The following CCDC191 variants were observed in gnomAD, a reference collection of about 807,000 sequenced individuals.
CCDC191 encodes coiled-coil domain containing 191.
A neutral mutation model predicts 114.0 loss-of-function variants in CCDC191; 99 were observed. The ratio of observed to expected loss-of-function variants is 0.87; its 90% CI spans 0.74 to 1.03. CCDC191 has a LOEUF of 1.03. CCDC191 is among the 50% of genes least tolerant of loss of function. CCDC191 has a pLI of 0.00. For synonymous variants in CCDC191, 351 were observed against 376.0 expected (o/e 0.93, Z 0.77); for missense variants, 973 against 1,087.0 (o/e 0.90, Z 1.47).
At chr3:114,014,299 C>T (rs929599608) in intron 8 of CCDC191, among the ~76,000 whole-genome samples, 1 of 152,248 alleles carries the variant, frequency 6.6e-6, no homozygotes, top group East Asian at 1.9e-4. Flanking sequence ...AGTTTTAAAG[C>T]GAGCCAGGCT....
chr3:113,974,851 T>C (rs1485835175), intron 16 of CCDC191, among the ~76,000 whole-genome samples: 1 of 152,184 alleles, frequency 6.6e-6, no homozygotes, highest in African/African-American at 2.4e-5. Context: ...AGTAAACCTT[T>C]CTCTTGCTCT....
At chr3:114,012,541 C>T (rs771629835) in intron 8 of CCDC191, among the ~76,000 whole-genome samples, 3 of 151,970 alleles carry the variant, frequency 2.0e-5, no homozygotes, top group African/African-American at 7.3e-5. Flanking sequence ...GAAGAAATAA[C>T]AATAAATCAG....
chr3:113,998,977 G>A (rs945491092), intron 13 of CCDC191, among the ~76,000 whole-genome samples: 1 of 152,178 alleles, frequency 6.6e-6, no homozygotes, highest in Non-Finnish European at 1.5e-5. Context: ...CCAGAACCAG[G>A]TGGATTGATC....
intron 11 of CCDC191, chr3:114,004,206 T>A: frequency 1.5e-5 from 15 of 971,042 alleles, no homozygotes; most frequent in Non-Finnish European, 1.5e-5. Flanking sequence ...GTTATAATAT[T>A]ATAAAATAAT....
intron 13 of CCDC191, among the ~76,000 whole-genome samples, chr3:113,988,616 G>C (rs1415639396): frequency 2.8e-5 from 3 of 106,120 alleles, no homozygotes; most frequent in African/African-American, 3.8e-5. Flanking sequence ...ACAAGAGTGA[G>C]ACTCCATCTC....
chr3:113,970,438 C>T (rs1319537797), intron 16 of CCDC191, among the ~76,000 whole-genome samples: 1 of 152,052 alleles, frequency 6.6e-6, no homozygotes, highest in Middle Eastern at 3.2e-3. Flanking sequence ...GGGATTACAG[C>T]CATGAGCCAT....
At chr3:114,046,965 AT>A in intron 2 of CCDC191, 1 of 958,302 alleles carries the variant, frequency 1.0e-6, no homozygotes, top group Non-Finnish European at 1.2e-6. Flanking sequence ...GATGTTCACA[AT>A]TTTGATATTT....
intron 2 of CCDC191, 131 bp from the exon 3 acceptor site, chr3:114,046,863 A>G: frequency 7.2e-7 from 1 of 1,388,754 alleles, no homozygotes; most frequent in Non-Finnish European, 9.3e-7. Flanking sequence ...TTTTTGGAGA[A>G]ACTCTTGAGG....
Position 113,964,967 on chromosome 3 carries a change from A to G in CCDC191, c.*188T>C. ...GGATGATCCCACTGTGATAAATGCT[A>G]TAGTGAATGACTAGCAATCCAGGAA... On this transcript the variant is annotated 3_prime_UTR_variant, in exon 17 of 17. Coordinates refer to ENST00000295878, the MANE Select transcript of CCDC191 (RefSeq NM_020817.2). The G allele has an allele frequency of 2.4e-6, 1 of 422,794 alleles. No individual in the cohort carries two copies. The highest frequency in any genetic ancestry group is 3.6e-5 in the East Asian group (1 of 28,010). The allele number at this position is 422,794 out of a possible 1,614,324, so 26.2% of individuals were successfully genotyped here. A position where few individuals can be genotyped will look rare whatever the true frequency, so the allele number is the denominator to read the frequency against.
At chr3:114,041,934 C>A (rs2076567371) in intron 4 of CCDC191, among the ~76,000 whole-genome samples, 1 of 151,632 alleles carries the variant, frequency 6.6e-6, no homozygotes, top group South Asian at 2.1e-4. Context: ...TAATAACCTC[C>A]CTTATAAGTA....
chr3:114,041,147 G>A, intron 4 of CCDC191, among the ~76,000 whole-genome samples: 1 of 151,936 alleles, frequency 6.6e-6, no homozygotes, highest in East Asian at 1.9e-4. Flanking sequence ...AGAAGTAATA[G>A]TTTCATTAGA....
At chr3:113,974,736 ATTGT>A (rs1348083280) in intron 16 of CCDC191, among the ~76,000 whole-genome samples, 2 of 151,666 alleles carry the variant, frequency 1.3e-5, no homozygotes, top group African/African-American at 2.4e-5. Flanking sequence ...TTGATTAGAG[ATTGT>A]TTGTAATTTA....
intron 6 of CCDC191, among the ~76,000 whole-genome samples, chr3:114,032,820 T>C (rs1446559160): frequency 6.6e-6 from 1 of 152,124 alleles, no homozygotes; most frequent in East Asian, 1.9e-4. Context: ...ACTTTAAAAC[T>C]AGGCAATGAG....
chr3:114,003,357 G>A (rs987400911), intron 11 of CCDC191: 31 of 985,108 alleles, frequency 3.1e-5, no homozygotes, highest in Non-Finnish European at 3.6e-5. Context: ...CAAGTTTTAA[G>A]AATTAATAAA....
intron 13 of CCDC191, among the ~76,000 whole-genome samples, chr3:113,986,380 A>T (rs1025959518): frequency 6.6e-6 from 1 of 152,240 alleles, no homozygotes; most frequent in Admixed American, 6.5e-5. Context: ...AGGAAAAGAA[A>T]AAGAATGGGG....
At chr3:113,976,556 G>C (rs1318038141) in intron 16 of CCDC191, among the ~76,000 whole-genome samples, 1 of 151,590 alleles carries the variant, frequency 6.6e-6, no homozygotes, top group Non-Finnish European at 1.5e-5. Flanking sequence ...CTCTCAGCCT[G>C]TATATAGTGG....
At chr3:114,051,134 T>C (rs1406818099) in intron 2 of CCDC191, among the ~76,000 whole-genome samples, 2 of 152,018 alleles carry the variant, frequency 1.3e-5, no homozygotes, top group African/African-American at 4.8e-5. Flanking sequence ...CAAAGCATGG[T>C]TCACAACATT....
chr3:114,011,436 G>C (rs1051189886), intron 8 of CCDC191, among the ~76,000 whole-genome samples: 3 of 152,156 alleles, frequency 2.0e-5, no homozygotes, highest in African/African-American at 7.2e-5. Context: ...TTAGGAGAAA[G>C]AGAAAGCAAC....
chr3:114,011,878 A>G (rs1446133814), intron 8 of CCDC191, among the ~76,000 whole-genome samples: 2 of 152,204 alleles, frequency 1.3e-5, no homozygotes, highest in Non-Finnish European at 1.5e-5. Flanking sequence ...AGATCTATCT[A>G]TAAGTGAATG....
Sources: gnomAD v4.1 joint callset for allele counts (sites outside exome capture counted in the v4.1 genomes callset) on GRCh38, gnomAD v4.1.1 for gene constraint, MANE v1.5 for transcripts, NCBI Gene and HGNC (gene_info 2026-07-23, HGNC 2026-07-21) for gene names.